Variants in METTL9 observed in about 807,000 individuals in gnomAD.
The protein encoded by METTL9 is methyltransferase 9, His-X-His N1(pi)-histidine, also known as protein-L-histidine N-pros-methyltransferase.
A neutral mutation model predicts 36.0 loss-of-function variants in METTL9; 10 were observed. The ratio of observed to expected loss-of-function variants is 0.28; its 90% CI spans 0.17 to 0.47. The LOEUF is 0.47. METTL9 is among the 20% of genes least tolerant of loss of function. The pLI is 0.99. For missense variants in METTL9, 246 were observed against 383.5 expected (o/e 0.64, Z 3.00); for synonymous variants, 175 against 149.7 (o/e 1.17, Z -1.23).
chr16:21,636,511 G>C (rs1254765679), intron 4 of METTL9, among the ~76,000 whole-genome samples: 2 of 152,224 alleles, frequency 1.3e-5, no homozygotes, highest in African/African-American at 4.8e-5. Flanking sequence ...TTAGGACCCA[G>C]GAGGCAAGGG....
chr16:21,601,017 G>GA (rs1156965609), intron 1 of METTL9, among the ~76,000 whole-genome samples: 1 of 152,150 alleles, frequency 6.6e-6, no homozygotes, highest in African/African-American at 2.4e-5. Flanking sequence ...GTCTAAGAAG[G>GA]AGATAGAGCA....
chr16:21,636,322 TTA>T (rs1966091136), intron 4 of METTL9, among the ~76,000 whole-genome samples: 1 of 152,084 alleles, frequency 6.6e-6, no homozygotes, highest in South Asian at 2.1e-4. Context: ...TGGGCAAAAA[TTA>T]TGTCTTTCTG....
chr16:21,654,989 A>G (rs1966670099), intron 4 of METTL9: 3 of 531,402 alleles, frequency 5.6e-6, no homozygotes, highest in East Asian at 6.4e-5. Context: ...CTGGGCTTAC[A>G]TTTCCATACT....
intron 4 of METTL9, among the ~76,000 whole-genome samples, chr16:21,634,040 G>T (rs1472229159): frequency 6.6e-6 from 1 of 152,182 alleles, no homozygotes; most frequent in East Asian, 1.9e-4. Context: ...TAATAAGGAT[G>T]TGGGACTTTC....
chr16:21,641,030 C>A (rs1208342991), intron 4 of METTL9: 3 of 152,292 alleles, frequency 2.0e-5, no homozygotes, highest in South Asian at 2.1e-4. Flanking sequence ...CATACCCTGG[C>A]AGGCAAATGT....
At chr16:21,622,343 T>A (rs1465119821) in intron 3 of METTL9, among the ~76,000 whole-genome samples, 1 of 151,446 alleles carries the variant, frequency 6.6e-6, no homozygotes, top group African/African-American at 2.4e-5. Context: ...AGATGGGGTC[T>A]TGTTGTGTTG....
At chr16:21,636,668 T>C (rs1287324134) in intron 4 of METTL9, among the ~76,000 whole-genome samples, 1 of 152,186 alleles carries the variant, frequency 6.6e-6, no homozygotes, top group East Asian at 1.9e-4. Context: ...CCAGAAGTAC[T>C]GGAAAGGCGG....
At chr16:21,602,778 C>T (rs76644109) in intron 1 of METTL9, among the ~76,000 whole-genome samples, 6,938 of 152,012 alleles carry the variant, frequency 0.046, 198 homozygotes, top group Middle Eastern at 0.072. Context: ...ATGTCTCAGC[C>T]TCCCGAGTAG....
Position 21,633,391 on chromosome 16 carries a change from T to C in METTL9, c.751+8276T>C, listed in dbSNP as rs117781460. On this transcript the variant is annotated intron_variant, in intron 4 of 4. Transcript: ENST00000358154. ...ATCCAAATACTGAAGGATCAGAGTGTCTGGACTTGAGAAGTGTCCTAGATC... is the reference window on the plus strand; with the variant it reads ...ATCCAAATACTGAAGGATCAGAGTGCCTGGACTTGAGAAGTGTCCTAGATC... 8.8e-3 allele frequency among the ~76,000 whole-genome samples: 1,346 copies of C among 152,272 alleles called. 45 individuals carry two copies. The highest frequency in any genetic ancestry group is 0.082 in the East Asian group (427 of 5,182).
At chr16:21,647,630 AC>A in intron 4 of METTL9, 1 of 1,125,508 alleles carries the variant, frequency 8.9e-7, no homozygotes, top group East Asian at 2.6e-5. Context: ...CTAAAAATAA[AC>A]ACCAGTGGTC....
rs373614272 is a variant in METTL9, at chr16:21,624,242, G to A, written c.567-689G>A. Among the ~76,000 whole-genome samples the A allele has an allele frequency of 1.8e-3, 281 of 152,236 alleles. 11 individuals carry two copies. In the South Asian group the frequency reaches 0.056, roughly 30 times the overall value. The stretch of plus-strand genomic sequence containing the variant: ...GAATAGAAAACATTAATTATATGAT[G>A]CATTTTTTGATTAAGTTCCAATGAA... On this transcript the variant is annotated intron_variant, in intron 3 of 4. Transcript: ENST00000358154.
At chr16:21,636,101 G>T (rs1237147441) in intron 4 of METTL9, among the ~76,000 whole-genome samples, 2 of 152,142 alleles carry the variant, frequency 1.3e-5, no homozygotes, top group Non-Finnish European at 2.9e-5. Flanking sequence ...TAAAGATGTT[G>T]TGCCTCAAAA....
chr16:21,608,101 A>T (rs1965336861), intron 1 of METTL9, among the ~76,000 whole-genome samples: 1 of 152,056 alleles, frequency 6.6e-6, no homozygotes, highest in South Asian at 2.1e-4. Flanking sequence ...GAGAGCCTAG[A>T]TCACACCACT....
intron 4 of METTL9, among the ~76,000 whole-genome samples, chr16:21,649,829 C>T (rs1012270978): frequency 1.3e-5 from 2 of 152,104 alleles, no homozygotes; most frequent in African/African-American, 4.8e-5. Flanking sequence ...TCACTGCAGC[C>T]TCTGGAGTAG....
intron 4 of METTL9, chr16:21,652,405 C>T (rs1966600300): frequency 3.1e-6 from 2 of 638,590 alleles, no homozygotes; most frequent in Non-Finnish European, 5.2e-6. Context: ...AACTTATCCT[C>T]TTAGGCAGTT....
chr16:21,652,627 G>A, intron 4 of METTL9: 2 of 1,583,426 alleles, frequency 1.3e-6, no homozygotes, highest in Non-Finnish European at 1.7e-6. Flanking sequence ...GGGTTGGGGT[G>A]TGTATTTGAA....
At position 21,616,927 on chromosome 16, in the gene METTL9, C is replaced by T. The variant is rs145626579; in HGVS notation, c.357-938C>T. On this transcript the variant is annotated intron_variant, in intron 2 of 4. Transcript: ENST00000358154. ...CTGTTACTCCTTCCACTTTTCCTTCCTATTTTGACTTAAGTTCTTCACATT... is the reference window on the plus strand; with the variant it reads ...CTGTTACTCCTTCCACTTTTCCTTCTTATTTTGACTTAAGTTCTTCACATT... Among the ~76,000 whole-genome samples the T allele has an allele frequency of 1.2e-3, 180 of 152,152 alleles. 1 individual carries two copies. Among genetic ancestry groups the T allele is most frequent in the Admixed American group, 4.9e-3 (75 of 15,282 alleles).
At chr16:21,653,608 A>C (rs1233546339) in intron 4 of METTL9, 3 of 152,372 alleles carry the variant, frequency 2.0e-5, no homozygotes, top group African/African-American at 7.2e-5. Flanking sequence ...CTCAAATCAC[A>C]CCATAAACAG....
In METTL9 at chr16:21,623,606, C is replaced by G. The variant is rs189442617; in HGVS notation, c.567-1325C>G. On this transcript the variant is annotated intron_variant, in intron 3 of 4. Coordinates refer to ENST00000358154, the MANE Select transcript of METTL9 (RefSeq NM_016025.5). ...CAAAGACTCTTGATATAAAAACTCC[C>G]CCTTTCTAGAGATAACAACATTGTA... 9.9e-5 allele frequency among the ~76,000 whole-genome samples: 15 copies of G among 152,234 alleles called. No individual in the cohort carries two copies. In the East Asian group the frequency reaches 1.9e-3, roughly 20 times the overall value.
Sources: allele counts gnomAD v4.1 joint callset (sites outside exome capture counted in the v4.1 genomes callset), GRCh38; gene constraint gnomAD v4.1.1; transcripts MANE v1.5; gene names NCBI Gene and HGNC (gene_info 2026-07-23, HGNC 2026-07-21).